Variants in RASD2 observed in about 807,000 individuals in gnomAD.
RASD2 encodes GTP-binding protein Rhes.
A neutral mutation model predicts 15.8 loss-of-function variants in RASD2; 7 were observed. The observed-to-expected ratio is 0.44, with a 90% CI of 0.25 to 0.83. The LOEUF is 0.83. RASD2 is among the 40% of genes least tolerant of loss of function. The pLI, the probability that RASD2 is intolerant of heterozygous loss-of-function variation, is 0.20. For synonymous variants in RASD2, 155 were observed against 153.6 expected (o/e 1.01, Z -0.07); for missense variants, 274 against 382.8 (o/e 0.72, Z 2.37).
At chr22:35,540,435 CGGGCGCCGGGGCGAGGCG>C (rs944817610), upstream of RASD2, among the ~76,000 whole-genome samples, 19 of 148,942 alleles carry the variant, frequency 1.3e-4, no homozygotes, top group South Asian at 6.2e-4. Context: ...TCCCATTGGC[CGGGCGCCGGGGCGAGGCG>C]GGGCGCCGGG....
At chr22:35,545,730 G>A (rs1407635427) in intron 1 of RASD2, among the ~76,000 whole-genome samples, 2 of 152,172 alleles carry the variant, frequency 1.3e-5, no homozygotes, top group African/African-American at 2.4e-5. Context: ...GTGTTCTGCA[G>A]AGGGGTGGCA....
At chr22:35,550,377 G>A (rs1167105832) in intron 2 of RASD2, among the ~76,000 whole-genome samples, 6 of 138,622 alleles carry the variant, frequency 4.3e-5, no homozygotes, top group African/African-American at 1.6e-4. Context: ...GGAGGTGGAA[G>A]TTGCAGTGAG....
At chr22:35,538,110 T>C (rs1934270442), upstream of RASD2, among the ~76,000 whole-genome samples, 1 of 151,794 alleles carries the variant, frequency 6.6e-6, no homozygotes, top group Non-Finnish European at 1.5e-5. Context: ...CACGCCTGGG[T>C]AGTTTTTATA....
At chr22:35,533,606 GA>G in the RASD2 span, among the ~76,000 whole-genome samples, 3 of 151,906 alleles carry the variant, frequency 2.0e-5, no homozygotes, top group African/African-American at 7.3e-5. Context: ...TGGTGATAAT[GA>G]TGATGATGGT....
Position 35,547,058 on chromosome 22 carries a change from G to A in RASD2, c.249G>A (p.Met83Ile). Residue 83 changes from methionine (M) to isoleucine (I), a missense_variant, in exon 2 of 3, where the codon ATG becomes ATA. By Grantham distance (10) the Met-to-Ile change is conservative. Coordinates refer to ENST00000216127, the MANE Select transcript of RASD2 (RefSeq NM_014310.4). Reference protein sequence around the residue: ...DTSGNHPFPAMRRLSILTGDV... With the variant: ...DTSGNHPFPAIRRLSILTGDV... The stretch of plus-strand genomic sequence containing the variant: ...CTGGCAACCACCCCTTCCCCGCCAT[G>A]CGCAGGCTGTCCATCCTCACAGGTG... 2 of 1,613,696 alleles carry A rather than the reference G, an allele frequency of 1.2e-6. No homozygotes were observed. The highest frequency in any genetic ancestry group is 1.3e-5 in the African/African-American group (1 of 75,062).
chr22:35,543,590 G>A (rs1934409765), intron 1 of RASD2, among the ~76,000 whole-genome samples: 1 of 152,232 alleles, frequency 6.6e-6, no homozygotes, highest in Admixed American at 6.5e-5. Flanking sequence ...AGAGAGGGAA[G>A]AAAGATGTGG....
Position 35,541,176 on chromosome 22 carries a change from A to C in RASD2, c.-334A>C, listed in dbSNP as rs1934337698. On this transcript the variant is annotated 5_prime_UTR_variant, in exon 1 of 3. Transcript: ENST00000216127. ...GGGACCCCCGGATCGGACGTCCCCA[A>C]GCCTCCGGGCACCTGGCTCAGCAGG... The C allele has an allele frequency of 6.6e-6, 1 of 151,998 alleles. No individual in the cohort carries two copies. Among genetic ancestry groups the C allele is most frequent in the African/African-American group, 2.4e-5 (1 of 41,348 alleles). The allele number at this position is 151,998 out of a possible 1,614,324, so 9.4% of individuals were successfully genotyped here. A position where few individuals can be genotyped will look rare whatever the true frequency, so the allele number is the denominator to read the frequency against.
At chr22:35,534,588 G>C in the RASD2 span, among the ~76,000 whole-genome samples, 2 of 152,184 alleles carry the variant, frequency 1.3e-5, no homozygotes, top group African/African-American at 4.8e-5. Context: ...TGCCCACTCA[G>C]CTTGGCCCAA....
the RASD2 span, among the ~76,000 whole-genome samples, chr22:35,535,727 A>G: frequency 3.9e-5 from 6 of 152,238 alleles, no homozygotes; most frequent in African/African-American, 1.2e-4. Context: ...TGGCAAGCTC[A>G]GGGAACTACA....
chr22:35,533,067 T>C, the RASD2 span, among the ~76,000 whole-genome samples: 5 of 152,234 alleles, frequency 3.3e-5, no homozygotes, highest in Non-Finnish European at 5.9e-5. Flanking sequence ...AAGACACTCC[T>C]CATATGGTTG....
At position 35,551,910 on chromosome 22, in the gene RASD2, G is replaced by A; in HGVS notation, c.679G>A (p.Ala227Thr). ...FCMRRVKEMD[A>T]YGMVSPFARR... is the part of the protein sequence containing the mutation. ...CATGCGCCGCGTCAAGGAGATGGAC[G>A]CCTATGGCATGGTCTCGCCCTTCGC... The change falls in exon 3 of 3, where the codon GCC becomes ACC. Residue 227 changes from alanine to threonine, a missense_variant. Coordinates refer to ENST00000216127, the MANE Select transcript of RASD2 (RefSeq NM_014310.4). The surrounding 1 kb of genome is among the most constrained non-coding windows in gnomAD (Gnocchi z 4.9). 2 of 1,612,362 alleles carry A rather than the reference G, an allele frequency of 1.2e-6. No individual in the cohort carries two copies. The highest frequency in any genetic ancestry group is 1.7e-6 in the Non-Finnish European group (2 of 1,180,030).
At position 35,546,831 on chromosome 22, in the gene RASD2, G is replaced by A. The variant is rs77211000; in HGVS notation, c.22G>A (p.Gly8Arg). 1,053 of 1,613,794 alleles carry A rather than the reference G, an allele frequency of 6.5e-4. 11 individuals are homozygous for A. In the African/African-American group the frequency reaches 0.012, roughly 19 times the overall value. The change falls in exon 2 of 3, where the codon GGG (glycine) becomes AGG (arginine). Residue 8 changes from glycine to arginine, a missense_variant. By Grantham distance (125) the Gly-to-Arg change is moderately radical. Coordinates refer to ENST00000216127, the MANE Select transcript of RASD2 (RefSeq NM_014310.4). MMKTLSS[G>R]NCTLSVPAKN... ...AGCCATGATGAAGACTTTGTCCAGCGGGAACTGCACGCTCAGTGTGCCCGC... is the reference window on the plus strand; with the variant it reads ...AGCCATGATGAAGACTTTGTCCAGCAGGAACTGCACGCTCAGTGTGCCCGC...
chr22:35,533,801 AGTGATGATT>A, the RASD2 span, among the ~76,000 whole-genome samples: 1 of 134,066 alleles, frequency 7.5e-6, no homozygotes, highest in Admixed American at 7.5e-5. Context: ...GGATGATGAC[AGTGATGATT>A]GTGATGATGG....
At chr22:35,537,579 C>T (rs147799730), upstream of RASD2, among the ~76,000 whole-genome samples, 9 of 152,282 alleles carry the variant, frequency 5.9e-5, no homozygotes, top group East Asian at 1.7e-3. Context: ...CTTTTACAGG[C>T]CAAGAAACTG....
At chr22:35,544,954 CG>C (rs1436485517) in intron 1 of RASD2, among the ~76,000 whole-genome samples, 1 of 152,160 alleles carries the variant, frequency 6.6e-6, no homozygotes, top group Non-Finnish European at 1.5e-5. Flanking sequence ...ATACTTAGTG[CG>C]GGGCTTGGCA....
chr22:35,540,865 G>C lies in RASD2; in HGVS notation c.-645G>C, dbSNP rs1436903296. On this transcript the variant is annotated 5_prime_UTR_variant, in exon 1 of 3. Coordinates refer to ENST00000216127, the MANE Select transcript of RASD2 (RefSeq NM_014310.4). The stretch of plus-strand genomic sequence containing the variant: ...TGCTCCTCCTTCAGCTGCTGGCGTC[G>C]CCGCGCGGGGAGAAAGAAGCCGTCC... 1 of 152,372 alleles carries C rather than the reference G, an allele frequency of 6.6e-6. No homozygotes were observed. Among genetic ancestry groups the C allele is most frequent in the Non-Finnish European group, 1.5e-5 (1 of 68,240 alleles). The allele number at this position is 152,372 out of a possible 1,614,324, so 9.4% of individuals were successfully genotyped here.
At chr22:35,544,303 C>T (rs1934437113) in intron 1 of RASD2, among the ~76,000 whole-genome samples, 1 of 152,194 alleles carries the variant, frequency 6.6e-6, no homozygotes, top group South Asian at 2.1e-4. Flanking sequence ...CTGGCTGAGA[C>T]AGCCCCGGCA....
chr22:35,545,858 G>A (rs2145872041), intron 1 of RASD2, among the ~76,000 whole-genome samples: 1 of 152,206 alleles, frequency 6.6e-6, no homozygotes, highest in East Asian at 1.9e-4. Flanking sequence ...GGGAGGGCTG[G>A]GCTGTGAAGA....
upstream of RASD2, among the ~76,000 whole-genome samples, chr22:35,540,522 C>G (rs1601809190): frequency 6.6e-6 from 1 of 151,144 alleles, no homozygotes; most frequent in East Asian, 1.9e-4. Flanking sequence ...GCGGGAGGCG[C>G]GGCTCGCGGG....
Sources: allele counts gnomAD v4.1 joint callset (sites outside exome capture counted in the v4.1 genomes callset), GRCh38; gene constraint gnomAD v4.1.1; non-coding constraint Gnocchi (gnomAD v3.1); transcripts MANE v1.5; gene names NCBI Gene and HGNC (gene_info 2026-07-23, HGNC 2026-07-21).